SLC20A2: variants seen among roughly 807,000 people sequenced by gnomAD.
SLC20A2 encodes sodium-dependent phosphate transporter 2.
A neutral mutation model predicts 61.0 loss-of-function variants in SLC20A2; 30 were observed. The observed-to-expected ratio is 0.49, with a 90% CI of 0.37 to 0.67. The LOEUF is 0.67. SLC20A2 is among the 30% of genes least tolerant of loss of function. The pLI, the probability that SLC20A2 is intolerant of heterozygous loss-of-function variation, is 0.00. For missense variants in SLC20A2, 626 were observed against 866.4 expected, an observed-to-expected ratio of 0.72 and a Z score of 3.48; for synonymous variants, 351 against 353.3, an observed-to-expected ratio of 0.99 and a Z score of 0.07.
At chr8:42,521,728 G>A (rs1437983550) in intron 1 of SLC20A2, among the ~76,000 whole-genome samples, 1 of 120,806 alleles carries the variant, frequency 8.3e-6, no homozygotes, top group African/African-American at 2.5e-5. Flanking sequence ...GGGCTCAAGC[G>A]ATCCTCCTGC....
At chr8:42,450,236 T>C (rs1805535595) in intron 5 of SLC20A2, among the ~76,000 whole-genome samples, 1 of 149,432 alleles carries the variant, frequency 6.7e-6, no homozygotes, top group South Asian at 2.1e-4. Flanking sequence ...CGTTCGTTCT[T>C]TTTTTTTTTG....
intron 1 of SLC20A2, among the ~76,000 whole-genome samples, chr8:42,529,974 G>A (rs933979512): frequency 2.0e-5 from 3 of 151,774 alleles, no homozygotes; most frequent in African/African-American, 4.8e-5. Context: ...CAAAATCCTG[G>A]GCTGGCAGTT....
In SLC20A2 at chr8:42,417,764, G is replaced by A. The variant is rs753076506; in HGVS notation, c.*39C>T. 1.2e-6 allele frequency: 2 copies of A among 1,606,648 alleles called. No individual in the cohort carries two copies. Among genetic ancestry groups the A allele is most frequent in the East Asian group, 2.2e-5 (1 of 44,726 alleles). On this transcript the variant is annotated 3_prime_UTR_variant, in exon 11 of 11. Transcript: ENST00000520262. ...ACATGTCTCCCACACGCCAACACCAGACCATCCCTTTAGCTGTTTGCAGCT... is the reference window on the plus strand; with the variant it reads ...ACATGTCTCCCACACGCCAACACCAAACCATCCCTTTAGCTGTTTGCAGCT...
chr8:42,477,074 A>T (rs918272768), intron 1 of SLC20A2, among the ~76,000 whole-genome samples: 1 of 152,210 alleles, frequency 6.6e-6, no homozygotes, highest in African/African-American at 2.4e-5. Context: ...AAGGTCGGAA[A>T]GCATAAGGCC....
chr8:42,419,629 C>A (rs1802911356), intron 10 of SLC20A2: 1 of 700,630 alleles, frequency 1.4e-6, no homozygotes, highest in South Asian at 6.5e-5. Flanking sequence ...TGGAGTTCTA[C>A]TTCAAGGAAG....
At chr8:42,445,642 A>G (rs4376487) in intron 5 of SLC20A2, among the ~76,000 whole-genome samples, 31,304 of 152,070 alleles carry the variant, frequency 0.21, 7,402 homozygotes, top group African/African-American at 0.58. Context: ...CAGGAGAATC[A>G]CTTGAGCCTG....
chr8:42,492,498 C>A (rs192610747), intron 1 of SLC20A2, among the ~76,000 whole-genome samples: 1 of 152,078 alleles, frequency 6.6e-6, no homozygotes, highest in African/African-American at 2.4e-5. Flanking sequence ...GAAAGGAAGG[C>A]GAGCATAAAA....
intron 10 of SLC20A2, among the ~76,000 whole-genome samples, chr8:42,423,987 T>G (rs531832375): frequency 1.3e-5 from 2 of 152,230 alleles, no homozygotes. Flanking sequence ...GTGTTCCCTG[T>G]ATGCTGTTCC....
chr8:42,481,169 AGCTTTTATT>A (rs1392410396), intron 1 of SLC20A2, among the ~76,000 whole-genome samples: 2 of 152,192 alleles, frequency 1.3e-5, no homozygotes, highest in East Asian at 1.9e-4. Flanking sequence ...CCTATAATTA[AGCTTTTATT>A]CCTGTTTTGG....
At chr8:42,441,241 G>A (rs933696095) in intron 6 of SLC20A2, among the ~76,000 whole-genome samples, 9 of 147,582 alleles carry the variant, frequency 6.1e-5, no homozygotes, top group Admixed American at 2.1e-4. Context: ...TGTAACTTCC[G>A]CCTCCCGGGT....
chr8:42,431,818 A>G (rs1214554204), intron 8 of SLC20A2, among the ~76,000 whole-genome samples: 1 of 152,248 alleles, frequency 6.6e-6, no homozygotes, highest in Non-Finnish European at 1.5e-5. Flanking sequence ...AAATGGAACA[A>G]CAAAGCACAT....
upstream of SLC20A2, among the ~76,000 whole-genome samples, chr8:42,504,383 T>C (rs529451078): frequency 6.6e-6 from 1 of 152,210 alleles, no homozygotes; most frequent in South Asian, 2.1e-4. Flanking sequence ...ACTAGACTAG[T>C]AGCAGATGCT....
intron 5 of SLC20A2, among the ~76,000 whole-genome samples, chr8:42,459,192 C>T (rs1322974406): frequency 7.5e-6 from 1 of 133,766 alleles, no homozygotes; most frequent in African/African-American, 3.0e-5. Context: ...TCCAAGATAG[C>T]GCGATTGCAC....
At chr8:42,423,446 C>T (rs923147600) in intron 10 of SLC20A2, among the ~76,000 whole-genome samples, 2 of 151,990 alleles carry the variant, frequency 1.3e-5, no homozygotes, top group African/African-American at 4.8e-5. Context: ...CTACCTCTGC[C>T]TCCCAAAGTG....
At chr8:42,537,197 A>G (rs905839150) in intron 1 of SLC20A2, among the ~76,000 whole-genome samples, 2 of 152,024 alleles carry the variant, frequency 1.3e-5, no homozygotes, top group Admixed American at 1.3e-4. Flanking sequence ...CAGCCTGGGC[A>G]GTATAGTGAG....
chr8:42,491,917 G>A (rs1809546097), intron 1 of SLC20A2, among the ~76,000 whole-genome samples: 1 of 152,148 alleles, frequency 6.6e-6, no homozygotes, highest in African/African-American at 2.4e-5. Context: ...ACTTAACTCA[G>A]TTAGAACTAC....
At chr8:42,438,050 TAAAAAAAAAAACCAAAAAA>T (rs912750909) in intron 7 of SLC20A2, among the ~76,000 whole-genome samples, 6 of 15,956 alleles carry the variant, frequency 3.8e-4, no homozygotes, top group African/African-American at 9.3e-4. Flanking sequence ...TGGTTACCAC[TAAAAAAAAAAACCAAAAAA>T]AAAAAAAAAA....
rs770152848 is a variant in SLC20A2, at chr8:42,472,074, C to T, written c.289+28G>A. The T allele has an allele frequency of 5.6e-6, 9 of 1,602,262 alleles. No individual in the cohort carries two copies. The highest frequency in any genetic ancestry group is 5.1e-6 in the Non-Finnish European group (6 of 1,171,914). ...GGAAGCGGGTCAGTGGGCGGATGTC[C>T]CATCGGTATAGAGAAGAGGCTACTC... On this transcript the variant is annotated intron_variant, in intron 2 of 10. Transcript: ENST00000520262. The surrounding 1 kb of genome is among the most constrained non-coding windows in gnomAD (Gnocchi z 4.1).
In SLC20A2 at chr8:42,522,591, G is replaced by A. The variant is rs1811652374; in HGVS notation, c.-265+19230C>T. ...AGCTACTTGGGAGGCTGAGGCAGGA[G>A]AATCACTTGAACCCGGGAGGCGGAG... On this transcript the variant is annotated intron_variant, in intron 1 of 10. Coordinates refer to the SLC20A2 transcript ENST00000342228. Among the ~76,000 whole-genome samples the A allele has an allele frequency of 1.7e-5, 2 of 120,672 alleles. 1 individual carries two copies. The highest frequency in any genetic ancestry group is 1.7e-4 in the Admixed American group (2 of 12,078). The allele number at this position is 120,672 out of a possible 152,430, so 79.2% of individuals were successfully genotyped here.
Sources: gnomAD v4.1 joint callset for allele counts (sites outside exome capture counted in the v4.1 genomes callset) on GRCh38, gnomAD v4.1.1 for gene constraint, Gnocchi (gnomAD v3.1) non-coding constraint, MANE v1.5 for transcripts, NCBI Gene and HGNC (gene_info 2026-07-23, HGNC 2026-07-21) for gene names.